Variants in LARGE1 observed in about 807,000 individuals in gnomAD.
The protein encoded by LARGE1 is LARGE xylosyl- and glucuronyltransferase 1, also known as xylosyl- and glucuronyltransferase LARGE1.
Under a neutral mutation model 87.6 loss-of-function variants are expected in LARGE1, and 43 were observed. That is an observed-to-expected ratio of 0.49 (90% CI 0.38 to 0.63). The LOEUF is 0.63. Ranked by LOEUF, LARGE1 falls within the 30% of genes least tolerant of loss-of-function variation. LARGE1 has a pLI of 0.00. For synonymous variants in LARGE1, 434 were observed against 394.6 expected (o/e 1.10, Z -1.18); for missense variants, 802 against 1,000.2 (o/e 0.80, Z 2.67).
At position 33,337,541 on chromosome 22, in the gene LARGE1, C is replaced by G. The variant is rs16992166; in HGVS notation, c.1287+105G>C. 71,968 of 1,391,640 alleles carry G rather than the reference C, an allele frequency of 0.052. 3,767 individuals carry two copies. Among genetic ancestry groups the G allele is most frequent in the African/African-American group, 0.26 (18,239 of 70,552 alleles). 86.2% of individuals were successfully genotyped at this position (1,391,640 alleles called of 1,614,324 possible). On this transcript the variant is annotated intron_variant, in intron 10 of 14. Coordinates refer to ENST00000397394, the MANE Select transcript of LARGE1 (RefSeq NM_133642.5). ...CTGGGCACCGATGGCGTTGTGTTCA[C>G]CTAGGTCCTGCCATGAGCCTGACAT...
At chr22:33,781,161 G>A (rs374569944) in intron 1 of LARGE1, among the ~76,000 whole-genome samples, 8 of 152,284 alleles carry the variant, frequency 5.3e-5, no homozygotes, top group Admixed American at 1.3e-4. Flanking sequence ...AGCAGGGTAC[G>A]GTAAATTGCT....
intron 2 of LARGE1, 68 bp from the exon 3 acceptor site, chr22:33,650,736 C>T (rs2080775688): frequency 1.3e-6 from 2 of 1,559,458 alleles, no homozygotes; most frequent in East Asian, 2.3e-5. Flanking sequence ...CCAAGTTCCC[C>T]AGACATCCCT....
At chr22:33,578,137 G>A (rs1602531256) in intron 5 of LARGE1, among the ~76,000 whole-genome samples, 2 of 152,166 alleles carry the variant, frequency 1.3e-5, no homozygotes, top group African/African-American at 4.8e-5. Context: ...GGCCTTTACT[G>A]TTTAATATGA....
chr22:33,777,477 A>G (rs1365349399), intron 1 of LARGE1, among the ~76,000 whole-genome samples: 1 of 152,016 alleles, frequency 6.6e-6, no homozygotes, highest in Non-Finnish European at 1.5e-5. Flanking sequence ...ATCTCTACAA[A>G]AAAAGCATTT....
intron 1 of LARGE1, among the ~76,000 whole-genome samples, chr22:33,881,283 C>T (rs2064675830): frequency 1.3e-5 from 2 of 152,040 alleles, no homozygotes; most frequent in African/African-American, 2.4e-5. Context: ...TGCTCAAAGC[C>T]TGTAGCGGGC....
intron 2 of LARGE1, among the ~76,000 whole-genome samples, chr22:33,721,364 G>A (rs2083091285): frequency 6.6e-6 from 1 of 152,200 alleles, no homozygotes; most frequent in African/African-American, 2.4e-5. Context: ...TTCCACAGGT[G>A]TATTATGACG....
At chr22:33,767,984 A>G (rs1343278074) in intron 1 of LARGE1, among the ~76,000 whole-genome samples, 1 of 152,264 alleles carries the variant, frequency 6.6e-6, no homozygotes, top group Non-Finnish European at 1.5e-5. Context: ...CTGAAGAGAA[A>G]GAGCTGGACA....
chr22:33,896,314 T>C (rs2065144168), intron 1 of LARGE1, among the ~76,000 whole-genome samples: 1 of 152,256 alleles, frequency 6.6e-6, no homozygotes, highest in Non-Finnish European at 1.5e-5. Flanking sequence ...CTACACCACA[T>C]GGTGTTTAGC....
intron 1 of LARGE1, among the ~76,000 whole-genome samples, chr22:33,792,101 C>T (rs574392736): frequency 1.8e-4 from 27 of 152,258 alleles, no homozygotes; most frequent in African/African-American, 5.8e-4. Context: ...GACGTCAATT[C>T]GGTAAAACAG....
chr22:33,710,747 A>G (rs1489897217), intron 2 of LARGE1, among the ~76,000 whole-genome samples: 1 of 152,188 alleles, frequency 6.6e-6, no homozygotes, highest in Non-Finnish European at 1.5e-5. Flanking sequence ...TGGCAGGTAC[A>G]TCGATCCAAG....
At chr22:33,902,435 G>C (rs371558498) in intron 1 of LARGE1, among the ~76,000 whole-genome samples, 2 of 152,166 alleles carry the variant, frequency 1.3e-5, no homozygotes, top group African/African-American at 4.8e-5. Flanking sequence ...TCAATTGCAA[G>C]GACAATGCTA....
At chr22:33,335,244 C>T (rs1938303578) in intron 10 of LARGE1, among the ~76,000 whole-genome samples, 1 of 152,206 alleles carries the variant, frequency 6.6e-6, no homozygotes, top group African/African-American at 2.4e-5. Flanking sequence ...ACTGAAAGAA[C>T]AGTGTTTGTT....
At chr22:33,337,917 T>A in intron 9 of LARGE1, 116 bp from the exon 10 acceptor site, 1 of 1,155,342 alleles carries the variant, frequency 8.7e-7, no homozygotes, top group Non-Finnish European at 1.3e-6. Flanking sequence ...GTCTGCTCAT[T>A]CGCTCATTCA....
At chr22:33,254,894 T>C (rs1167888603) in intron 11 of LARGE1, among the ~76,000 whole-genome samples, 2 of 151,710 alleles carry the variant, frequency 1.3e-5, no homozygotes, top group Non-Finnish European at 2.9e-5. Flanking sequence ...TATCTAATAA[T>C]CTCACAGTAA....
intron 2 of LARGE1, among the ~76,000 whole-genome samples, chr22:33,691,763 C>T (rs908989167): frequency 1.1e-4 from 16 of 152,198 alleles, no homozygotes; most frequent in African/African-American, 3.9e-4. Flanking sequence ...TTCAATGGGT[C>T]TCACAGGAAG....
intron 1 of LARGE1, among the ~76,000 whole-genome samples, chr22:33,808,804 G>A (rs909259203): frequency 4.6e-5 from 7 of 152,210 alleles, no homozygotes; most frequent in Non-Finnish European, 1.0e-4. Context: ...GTTGAAGACA[G>A]ACCCAGTAGC....
At chr22:33,092,598 A>T in the LARGE1 span, among the ~76,000 whole-genome samples, 2 of 152,058 alleles carry the variant, frequency 1.3e-5, no homozygotes, top group Non-Finnish European at 2.9e-5. Context: ...TTAGCTATTT[A>T]TCCTGATGTT....
At chr22:33,687,355 T>A (rs1294836527) in intron 2 of LARGE1, among the ~76,000 whole-genome samples, 1 of 151,416 alleles carries the variant, frequency 6.6e-6, no homozygotes, top group Non-Finnish European at 1.5e-5. Context: ...CTCCATCCGA[T>A]GCCTCAGTCT....
intron 11 of LARGE1, among the ~76,000 whole-genome samples, chr22:33,263,425 AGCT>A (rs2145754648): frequency 6.6e-6 from 1 of 152,346 alleles, no homozygotes; most frequent in East Asian, 1.9e-4. Flanking sequence ...TGAAGAGGTG[AGCT>A]GCTATGTGGC....
Sources: gnomAD v4.1 joint callset for allele counts (sites outside exome capture counted in the v4.1 genomes callset) on GRCh38, gnomAD v4.1.1 for gene constraint, MANE v1.5 for transcripts, NCBI Gene and HGNC (gene_info 2026-07-23, HGNC 2026-07-21) for gene names.